DYNC1I1: variants seen among roughly 807,000 people sequenced by gnomAD.
DYNC1I1 encodes the protein dynein cytoplasmic 1 intermediate chain 1, also known as cytoplasmic dynein 1 intermediate chain 1.
DYNC1I1 carries 43 observed loss-of-function variants against 86.6 expected under a neutral mutation model. That is an observed-to-expected ratio of 0.50 (90% CI 0.39 to 0.64). The LOEUF (loss-of-function observed/expected upper bound fraction) is 0.64. Ranked by LOEUF, DYNC1I1 falls within the 30% of genes least tolerant of loss-of-function variation. The pLI, the probability that DYNC1I1 is intolerant of heterozygous loss-of-function variation, is 0.00. For synonymous variants in DYNC1I1, 262 were observed against 283.7 expected (o/e 0.92, Z 0.77); for missense variants, 604 against 788.8 (o/e 0.77, Z 2.81).
At chr7:95,950,647 T>G (rs1792527447) in intron 6 of DYNC1I1, among the ~76,000 whole-genome samples, 1 of 152,118 alleles carries the variant, frequency 6.6e-6, no homozygotes, top group African/African-American at 2.4e-5. Context: ...TTCAGAGTCC[T>G]AACCAGAGCG....
intron 8 of DYNC1I1, among the ~76,000 whole-genome samples, chr7:95,985,246 C>A (rs1338517149): frequency 1.3e-5 from 2 of 152,106 alleles, no homozygotes; most frequent in African/African-American, 4.8e-5. Flanking sequence ...GAGTCACATG[C>A]ATTATCCTCT....
At chr7:95,905,637 G>C (rs994052283) in intron 6 of DYNC1I1, among the ~76,000 whole-genome samples, 3 of 151,960 alleles carry the variant, frequency 2.0e-5, no homozygotes, top group African/African-American at 7.2e-5. Context: ...GTTCGCCAGG[G>C]GGTTTGTCTT....
At chr7:95,846,627 C>CTGTGTGTGTGTGTGTGTGTGTG (rs1236489557) in intron 5 of DYNC1I1, among the ~76,000 whole-genome samples, 1 of 136,484 alleles carries the variant, frequency 7.3e-6, no homozygotes, top group Admixed American at 7.3e-5. Flanking sequence ...ATCTCTCTCT[C>CTGTGTGTGTGTGTGTGTGTGTG]TGTGTGTGTG....
chr7:96,010,265 T>A (rs953956728), intron 10 of DYNC1I1, among the ~76,000 whole-genome samples: 1 of 152,170 alleles, frequency 6.6e-6, no homozygotes, highest in Non-Finnish European at 1.5e-5. Flanking sequence ...CATTGTCACC[T>A]GACTTAAGGT....
In DYNC1I1 at chr7:95,810,380, G is replaced by A. The variant is rs375639863; in HGVS notation, c.109-12G>A. The stretch of plus-strand genomic sequence containing the variant: ...TATGTTATTAACTTTTCTTACTGAC[G>A]TCTACTTCTAGGCTGATATGCAGCA... On this transcript the variant is annotated splice_polypyrimidine_tract_variant and intron_variant, in intron 2 of 16. Transcript: ENST00000447467. The A allele has an allele frequency of 3.0e-5, 48 of 1,583,604 alleles. No individual in the cohort carries two copies. Among genetic ancestry groups the A allele is most frequent in the South Asian group, 9.3e-5 (8 of 86,380 alleles).
chr7:95,838,894 G>A (rs1050028123), intron 5 of DYNC1I1, among the ~76,000 whole-genome samples: 1 of 152,032 alleles, frequency 6.6e-6, no homozygotes, highest in Non-Finnish European at 1.5e-5. Context: ...AGTTTCCTAC[G>A]TACAAGGTCA....
chr7:95,913,725 G>A (rs1791398187), intron 6 of DYNC1I1, among the ~76,000 whole-genome samples: 1 of 152,302 alleles, frequency 6.6e-6, no homozygotes, highest in South Asian at 2.1e-4. Context: ...CATAGAATTA[G>A]GGAAATGGCA....
chr7:95,942,504 C>A (rs943465263), intron 6 of DYNC1I1, among the ~76,000 whole-genome samples: 1 of 152,194 alleles, frequency 6.6e-6, no homozygotes, highest in Non-Finnish European at 1.5e-5. Context: ...AAGAGGGAAT[C>A]CTCCCTAACT....
intron 2 of DYNC1I1, among the ~76,000 whole-genome samples, chr7:95,806,653 A>G (rs1175349827): frequency 6.6e-6 from 1 of 152,224 alleles, no homozygotes; most frequent in Non-Finnish European, 1.5e-5. Flanking sequence ...AGATGGCAAT[A>G]CAGAGTCCGA....
intron 9 of DYNC1I1, among the ~76,000 whole-genome samples, chr7:95,991,354 G>A (rs888069462): frequency 6.6e-6 from 1 of 152,094 alleles, no homozygotes; most frequent in Non-Finnish European, 1.5e-5. Context: ...TCACTGTATT[G>A]GTCAAAAAGA....
intron 6 of DYNC1I1, among the ~76,000 whole-genome samples, chr7:95,894,770 G>A (rs1790834136): frequency 6.6e-6 from 1 of 152,160 alleles, no homozygotes; most frequent in African/African-American, 2.4e-5. Context: ...AGCATTTTCT[G>A]CATCCTGCTG....
chr7:95,952,087 A>C (rs1410556682), intron 6 of DYNC1I1, among the ~76,000 whole-genome samples: 4 of 152,158 alleles, frequency 2.6e-5, no homozygotes, highest in African/African-American at 9.7e-5. Context: ...TGAGTCTTAC[A>C]TAGAGAATAA....
At position 95,813,302 on chromosome 7, in the gene DYNC1I1, A is replaced by T; in HGVS notation, c.279A>T (p.Gly93=). ...SKSVSTPSEA[G]SQDSGDLGPL... Reference sequence around the variant, plus strand: ...CAGTGAGCACTCCCAGTGAAGCTGGAAGCCAAGACTCAGGCGATCTGGGGC... The same window carrying T: ...CAGTGAGCACTCCCAGTGAAGCTGGTAGCCAAGACTCAGGCGATCTGGGGC... Residue 93 remains glycine, a synonymous_variant, in exon 4 of 17, where the codon GGA becomes GGT. Coordinates refer to ENST00000447467, the MANE Select transcript of DYNC1I1 (RefSeq NM_001135556.2). 1 of 1,612,928 alleles carries T rather than the reference A, an allele frequency of 6.2e-7. No homozygotes were observed.
At chr7:95,895,602 T>C (rs1472177899) in intron 6 of DYNC1I1, among the ~76,000 whole-genome samples, 1 of 152,192 alleles carries the variant, frequency 6.6e-6, no homozygotes, top group Non-Finnish European at 1.5e-5. Context: ...GTGAGTTGTC[T>C]CCACTGCTTT....
At chr7:95,940,125 C>T (rs912683251) in intron 6 of DYNC1I1, among the ~76,000 whole-genome samples, 4 of 152,014 alleles carry the variant, frequency 2.6e-5, no homozygotes, top group African/African-American at 7.3e-5. Context: ...AAATATTGGC[C>T]CCCACTCTCT....
At chr7:96,002,436 A>G (rs1342527209) in intron 10 of DYNC1I1, among the ~76,000 whole-genome samples, 1 of 152,204 alleles carries the variant, frequency 6.6e-6, no homozygotes, top group Non-Finnish European at 1.5e-5. Flanking sequence ...ATAAGGCCAC[A>G]CAGCCTGGAA....
chr7:95,858,582 G>A (rs1395932883), intron 5 of DYNC1I1, among the ~76,000 whole-genome samples: 1 of 150,834 alleles, frequency 6.6e-6, no homozygotes, highest in African/African-American at 2.5e-5. Flanking sequence ...CAGTGGGTTT[G>A]TAAACACCAA....
At chr7:95,863,805 G>A (rs1309816032) in intron 5 of DYNC1I1, among the ~76,000 whole-genome samples, 1 of 152,162 alleles carries the variant, frequency 6.6e-6, no homozygotes, top group African/African-American at 2.4e-5. Context: ...GTCCTGAAAG[G>A]AATGGAGCTC....
chr7:95,998,289 A>G (rs1398881202), intron 10 of DYNC1I1, among the ~76,000 whole-genome samples: 2 of 152,256 alleles, frequency 1.3e-5, no homozygotes, highest in Non-Finnish European at 2.9e-5. Context: ...GCTGCATTCT[A>G]AAAATGTGGG....
Sources: allele counts gnomAD v4.1 joint callset (sites outside exome capture counted in the v4.1 genomes callset), GRCh38; gene constraint gnomAD v4.1.1; transcripts MANE v1.5; gene names NCBI Gene and HGNC (gene_info 2026-07-23, HGNC 2026-07-21).